Variants in NUP88 observed in about 807,000 individuals in gnomAD.
NUP88 encodes nucleoporin 88.
NUP88 carries 57 observed loss-of-function variants against 93.9 expected under a neutral mutation model. The observed-to-expected ratio is 0.61, with a 90% CI of 0.49 to 0.76. The LOEUF (loss-of-function observed/expected upper bound fraction) is 0.76, where lower values mean the gene tolerates loss of function less well. Ranked by LOEUF, NUP88 falls within the 30% of genes least tolerant of loss-of-function variation. The pLI is 0.00. For missense variants in NUP88, 911 were observed against 901.0 expected (o/e 1.01, Z -0.14); for synonymous variants, 346 against 336.8 (o/e 1.03, Z -0.30).
chr17:5,392,492 T>C (rs928419546), intron 9 of NUP88, among the ~76,000 whole-genome samples: 1 of 152,166 alleles, frequency 6.6e-6, no homozygotes, highest in Non-Finnish European at 1.5e-5. Flanking sequence ...GGACAAGACA[T>C]GGAGACGATA....
rs1567577055 is a variant in NUP88, at chr17:5,413,132, T to TAG, written c.593+876_593+877insCT. Among the ~76,000 whole-genome samples, 16 of 152,252 alleles carry TAG rather than the reference T, an allele frequency of 1.1e-4. No individual in the cohort carries two copies. The South Asian group carries it at 1.2e-3, about 12-fold the overall frequency. Reference sequence around the variant, plus strand: ...AGCTGGGACTACCGGCACATGCCATTATGCCCAGCTAATTTTTTTTGCAGA... The same window carrying TAG: ...AGCTGGGACTACCGGCACATGCCATTAGATGCCCAGCTAATTTTTTTTGCAGA... On this transcript the variant is annotated intron_variant, in intron 3 of 16. Coordinates refer to ENST00000573584, the MANE Select transcript of NUP88 (RefSeq NM_002532.6).
chr17:5,405,310 T>G lies in NUP88; in HGVS notation c.858-67A>C. On this transcript the variant is annotated intron_variant, in intron 5 of 16. Coordinates refer to ENST00000573584, the MANE Select transcript of NUP88 (RefSeq NM_002532.6). ...ATGCATGCTCATCCCATAAAACCAT[T>G]CTTTGACTTTGTTTTCCTCCAGCTA... The G allele has an allele frequency of 2.2e-6, 3 of 1,372,112 alleles. No homozygotes were observed. In the Admixed American group the frequency reaches 5.9e-5, roughly 27 times the overall value. 85.0% of individuals were successfully genotyped at this position (1,372,112 alleles called of 1,614,324 possible).
rs1306954365 is a variant in NUP88 at position 5,387,522 on chromosome 17, C to G, written c.1836-56G>C. 4.4e-6 allele frequency: 7 copies of G among 1,588,602 alleles called. No individual in the cohort carries two copies. In the Admixed American group the frequency reaches 1.2e-4, roughly 26 times the overall value. On this transcript the variant is annotated intron_variant, in intron 13 of 16. Coordinates refer to ENST00000573584, the MANE Select transcript of NUP88 (RefSeq NM_002532.6). ...GGTCCACCCCTTGATGCTGAAACCA[C>G]CTAATGTGGCTCAGCATCTTAGGGT...
Position 5,408,734 on chromosome 17 carries a change from T to G in NUP88, c.856A>C (p.Ser286Arg). Reference protein sequence around the residue: ...TFLTYISLLHSPGNIGKLLGP... With the variant: ...TFLTYISLLHRPGNIGKLLGP... ...AGGTGGGTGACCACCTCAACTTACC[T>G]GTGTAACAGACTGATGTATGTCAGG... The change falls in exon 5 of 17, where the codon AGC (serine) becomes CGC (arginine). Residue 286 changes from serine to arginine, a missense_variant and splice_region_variant. Coordinates refer to ENST00000573584, the MANE Select transcript of NUP88 (RefSeq NM_002532.6). The G allele has an allele frequency of 6.3e-7, 1 of 1,590,488 alleles. No homozygotes were observed. Among genetic ancestry groups the G allele is most frequent in the Non-Finnish European group, 8.5e-7 (1 of 1,170,502 alleles).
In NUP88 at chr17:5,399,762, GGTTTTA is replaced by G. The variant is rs1321665347; in HGVS notation, c.1193-118_1193-113del. The G allele has an allele frequency of 3.5e-5, 18 of 518,768 alleles. No homozygotes were observed. The East Asian group carries it at 3.9e-4, about 11-fold the overall frequency. 32.1% of individuals were successfully genotyped at this position (518,768 alleles called of 1,614,324 possible). Reference sequence around the variant, plus strand: ...CCTACAAACGCATTTGTTGATGGAAGGTTTTATAAAAGACTTTCATATTGTTAGGGG... The same window carrying G: ...CCTACAAACGCATTTGTTGATGGAAGTAAAAGACTTTCATATTGTTAGGGG... On this transcript the variant is annotated intron_variant, in intron 7 of 16. Coordinates refer to ENST00000573584, the MANE Select transcript of NUP88 (RefSeq NM_002532.6).
At chr17:5,413,564 C>T (rs1419880211) in intron 3 of NUP88, among the ~76,000 whole-genome samples, 1 of 152,078 alleles carries the variant, frequency 6.6e-6, no homozygotes, top group Non-Finnish European at 1.5e-5. Context: ...TTGGAAGGGG[C>T]GTTAGAAACT....
At chr17:5,387,160 G>GA (rs1912054273) in intron 14 of NUP88, 50 bp from the exon 15 acceptor site, 1 of 1,587,278 alleles carries the variant, frequency 6.3e-7, no homozygotes, top group East Asian at 2.2e-5. Flanking sequence ...TACTAATTAG[G>GA]AGAAACATAA....
chr17:5,399,161 G>A (rs866151115), intron 8 of NUP88, among the ~76,000 whole-genome samples: 19 of 148,462 alleles, frequency 1.3e-4, no homozygotes, highest in African/African-American at 4.5e-4. Flanking sequence ...AAAGTGCTGC[G>A]ACTACAGGCG....
intron 9 of NUP88, among the ~76,000 whole-genome samples, chr17:5,392,976 G>A (rs1244190524): frequency 6.6e-6 from 1 of 150,914 alleles, no homozygotes; most frequent in East Asian, 1.9e-4. Flanking sequence ...TGTTTGAGAC[G>A]GAGTCTCACT....
In NUP88 at chr17:5,385,404, TA is replaced by T. The variant is rs1428808745; in HGVS notation, c.*801del. 4 of 230,126 alleles carry T rather than the reference TA, an allele frequency of 1.7e-5. No homozygotes were observed. Among genetic ancestry groups the T allele is most frequent in the Non-Finnish European group, 3.4e-5 (4 of 116,362 alleles). 14.3% of individuals were successfully genotyped at this position (230,126 alleles called of 1,614,324 possible). On this transcript the variant is annotated 3_prime_UTR_variant, in exon 17 of 17. Transcript: ENST00000573584. ...TGCATGTCTAACCTGATTTACCTCT[TA>T]CCTGTAACCTACCTTATCATGTGGC...
chr17:5,386,930 A>G, intron 15 of NUP88, 54 bp downstream of exon 15: 1 of 1,603,492 alleles, frequency 6.2e-7, no homozygotes, highest in African/African-American at 1.3e-5. Context: ...TTTTCTGTAG[A>G]ATAAGTGCTT....
At chr17:5,399,135 C>G (rs2151639560) in intron 8 of NUP88, among the ~76,000 whole-genome samples, 1 of 151,434 alleles carries the variant, frequency 6.6e-6, no homozygotes, top group South Asian at 2.1e-4. Context: ...TTGTGATCCA[C>G]CCACCTCGGC....
At chr17:5,413,975 T>A in intron 3 of NUP88, 34 bp downstream of exon 3, 1 of 1,607,340 alleles carries the variant, frequency 6.2e-7, no homozygotes. Flanking sequence ...GCTTTCCCAC[T>A]CGCAAGGCTT....
At chr17:5,393,402 G>T (rs1912566696) in intron 9 of NUP88, among the ~76,000 whole-genome samples, 2 of 150,898 alleles carry the variant, frequency 1.3e-5, no homozygotes, top group Non-Finnish European at 3.0e-5. Flanking sequence ...AGCCTACATG[G>T]GATTTTATTA....
intron 7 of NUP88, among the ~76,000 whole-genome samples, chr17:5,403,360 C>T (rs1913282731): frequency 6.6e-6 from 1 of 152,128 alleles, no homozygotes; most frequent in Non-Finnish European, 1.5e-5. Flanking sequence ...GCCTGTAGTC[C>T]CAGCTACTAG....
intron 8 of NUP88, among the ~76,000 whole-genome samples, chr17:5,396,036 C>T (rs8077471): frequency 0.44 from 65,895 of 151,250 alleles, 15,051 homozygotes; most frequent in East Asian, 0.84. Flanking sequence ...CATAGCGAGA[C>T]GCCGTCTCTA....
intron 9 of NUP88, 21 bp from the exon 10 acceptor site, chr17:5,391,683 T>C: frequency 1.9e-6 from 3 of 1,590,992 alleles, no homozygotes; most frequent in Non-Finnish European, 2.6e-6. Context: ...ACAGTCATAG[T>C]TAAATTACAA....
intron 8 of NUP88, among the ~76,000 whole-genome samples, chr17:5,398,771 T>A (rs1912949272): frequency 1.3e-5 from 2 of 151,594 alleles, no homozygotes; most frequent in Admixed American, 1.3e-4. Flanking sequence ...GTATTTTAAG[T>A]AGAGACAGGG....
At chr17:5,419,312 C>T in intron 1 of NUP88, 42 bp downstream of exon 1, 1 of 1,511,152 alleles carries the variant, frequency 6.6e-7, no homozygotes, top group South Asian at 1.3e-5. Flanking sequence ...AGACTGGTTC[C>T]GATCCCGGTG....
Sources: gnomAD v4.1 joint callset for allele counts (sites outside exome capture counted in the v4.1 genomes callset) on GRCh38, gnomAD v4.1.1 for gene constraint, MANE v1.5 for transcripts, NCBI Gene and HGNC (gene_info 2026-07-23, HGNC 2026-07-21) for gene names.